The following KHDRBS2 variants were observed in gnomAD, a reference collection of about 807,000 sequenced individuals.
KHDRBS2 encodes the protein KH domain-containing, RNA-binding, signal transduction-associated protein 2.
KHDRBS2 carries 26 observed loss-of-function variants against 44.3 expected under a neutral mutation model. The observed-to-expected ratio is 0.59, with a 90% CI of 0.43 to 0.81. The LOEUF is 0.81. Among genes scored for constraint, KHDRBS2 ranks in the 40% least tolerant of loss-of-function variants. The pLI is 0.00. For missense variants in KHDRBS2, 476 were observed against 433.1 expected, an observed-to-expected ratio of 1.10 and a Z score of -0.88; for synonymous variants, 194 against 151.1, an observed-to-expected ratio of 1.28 and a Z score of -2.08.
intron 7 of KHDRBS2, among the ~76,000 whole-genome samples, chr6:61,705,369 C>T (rs141632670): frequency 1.3e-5 from 2 of 151,682 alleles, no homozygotes; most frequent in African/African-American, 4.8e-5. Flanking sequence ...ACAAAAATAA[C>T]CATAAAAAAT....
chr6:62,186,540 G>A (rs1823457974), intron 1 of KHDRBS2, among the ~76,000 whole-genome samples: 1 of 151,842 alleles, frequency 6.6e-6, no homozygotes, highest in Non-Finnish European at 1.5e-5. Flanking sequence ...TCCTTTATCA[G>A]ACTAATATCA....
At chr6:61,657,895 G>T in the KHDRBS2 span, among the ~76,000 whole-genome samples, 1 of 151,926 alleles carries the variant, frequency 6.6e-6, no homozygotes, top group African/African-American at 2.4e-5. Context: ...TCAGAACATT[G>T]GTTCTGGGTC....
chr6:62,007,412 T>TTC (rs1779458663), intron 3 of KHDRBS2, among the ~76,000 whole-genome samples: 2 of 152,014 alleles, frequency 1.3e-5, no homozygotes, highest in South Asian at 2.1e-4. Flanking sequence ...GTTTTTTTTT[T>TTC]TCTTTTGTCA....
intron 1 of KHDRBS2, among the ~76,000 whole-genome samples, chr6:62,193,873 T>A (rs1825099160): frequency 6.6e-6 from 1 of 152,170 alleles, no homozygotes; most frequent in Non-Finnish European, 1.5e-5. Context: ...ATTTGCTACC[T>A]TCTATAAATA....
At chr6:62,218,532 A>G (rs1340165171) in intron 1 of KHDRBS2, among the ~76,000 whole-genome samples, 1 of 151,890 alleles carries the variant, frequency 6.6e-6, no homozygotes, top group Admixed American at 6.6e-5. Flanking sequence ...ATGTATAAAG[A>G]TAAAATTTGA....
intron 3 of KHDRBS2, among the ~76,000 whole-genome samples, chr6:62,024,043 TAA>T (rs968956694): frequency 6.6e-6 from 1 of 150,842 alleles, no homozygotes; most frequent in Non-Finnish European, 1.5e-5. Context: ...AATCCCAATA[TAA>T]AAAAAAGTTA....
At chr6:61,832,302 T>G (rs915776035) in intron 6 of KHDRBS2, among the ~76,000 whole-genome samples, 2 of 152,180 alleles carry the variant, frequency 1.3e-5, no homozygotes, top group African/African-American at 4.8e-5. Context: ...AATAAATATA[T>G]GTTTAAGGAT....
the KHDRBS2 span, among the ~76,000 whole-genome samples, chr6:61,616,830 C>T: frequency 1.3e-5 from 2 of 152,106 alleles, no homozygotes; most frequent in Non-Finnish European, 2.9e-5. Flanking sequence ...CAGCATTCCT[C>T]CCTGACTTCC....
In KHDRBS2 at chr6:62,225,575, G is replaced by T; in HGVS notation, c.92-48263C>A. Among the ~76,000 whole-genome samples, 3 of 152,174 alleles carry T rather than the reference G, an allele frequency of 2.0e-5. No individual in the cohort carries two copies. In the Middle Eastern group the frequency reaches 0.01, roughly 518 times the overall value. On this transcript the variant is annotated intron_variant, in intron 1 of 8. Transcript: ENST00000281156. ...GAGGAGACAAGTGCAGAACATGTAGGGTTGTTACATAGGTATACATGTGCC... is the reference window on the plus strand; with the variant it reads ...GAGGAGACAAGTGCAGAACATGTAGTGTTGTTACATAGGTATACATGTGCC...
chr6:62,078,482 A>G (rs1397625500), intron 2 of KHDRBS2, among the ~76,000 whole-genome samples: 1 of 151,966 alleles, frequency 6.6e-6, no homozygotes, highest in Non-Finnish European at 1.5e-5. Flanking sequence ...TACCTCTAGG[A>G]AGGGAATAAT....
intron 4 of KHDRBS2, among the ~76,000 whole-genome samples, chr6:61,948,782 A>AC (rs1193637463): frequency 1.3e-5 from 2 of 151,430 alleles, no homozygotes; most frequent in Non-Finnish European, 2.9e-5. Flanking sequence ...ATGTAGCTGG[A>AC]ACTATACGCA....
At chr6:62,137,712 A>G (rs1481613863) in intron 2 of KHDRBS2, among the ~76,000 whole-genome samples, 1 of 152,094 alleles carries the variant, frequency 6.6e-6, no homozygotes, top group East Asian at 1.9e-4. Context: ...CAAGTCTTAA[A>G]TGTTGTCTAC....
intron 2 of KHDRBS2, among the ~76,000 whole-genome samples, chr6:62,150,393 T>C (rs1045796626): frequency 2.0e-5 from 3 of 152,148 alleles, no homozygotes; most frequent in Non-Finnish European, 2.9e-5. Flanking sequence ...TACTATCTAA[T>C]TTAATTAAAA....
At chr6:62,053,871 G>A (rs1447005123) in intron 2 of KHDRBS2, among the ~76,000 whole-genome samples, 4 of 151,924 alleles carry the variant, frequency 2.6e-5, no homozygotes, top group African/African-American at 9.7e-5. Flanking sequence ...TTAGCAAGGT[G>A]CTGTTATACA....
At chr6:61,808,217 CT>C (rs1303351122) in intron 6 of KHDRBS2, among the ~76,000 whole-genome samples, 3 of 152,014 alleles carry the variant, frequency 2.0e-5, no homozygotes, top group Non-Finnish European at 4.4e-5. Context: ...ACTGATTAAT[CT>C]TAAATATTTG....
intron 2 of KHDRBS2, among the ~76,000 whole-genome samples, chr6:62,059,184 A>G (rs1451454924): frequency 1.5e-5 from 2 of 131,124 alleles, no homozygotes; most frequent in African/African-American, 5.9e-5. Flanking sequence ...ATTTCCACAT[A>G]GAAAAGTTAG....
intron 7 of KHDRBS2, among the ~76,000 whole-genome samples, chr6:61,700,338 AG>A: frequency 6.6e-6 from 1 of 151,232 alleles, no homozygotes; most frequent in East Asian, 2.0e-4. Flanking sequence ...ATGATAAAGA[AG>A]CACAGTTATT....
chr6:62,208,320 C>T (rs761519794), intron 1 of KHDRBS2, among the ~76,000 whole-genome samples: 3 of 152,122 alleles, frequency 2.0e-5, no homozygotes, highest in Non-Finnish European at 2.9e-5. Context: ...GTCCTGAACT[C>T]CTGGTCTCAA....
At chr6:62,012,624 T>C (rs1584149508) in intron 3 of KHDRBS2, among the ~76,000 whole-genome samples, 1 of 152,144 alleles carries the variant, frequency 6.6e-6, no homozygotes, top group East Asian at 1.9e-4. Flanking sequence ...ACCAAGCAAG[T>C]GCCTTCCTTT....
Sources: gnomAD v4.1 joint callset for allele counts (sites outside exome capture counted in the v4.1 genomes callset) on GRCh38, gnomAD v4.1.1 for gene constraint, MANE v1.5 for transcripts, NCBI Gene and HGNC (gene_info 2026-07-23, HGNC 2026-07-21) for gene names.